Variants in GABBR2 observed in about 807,000 individuals in gnomAD.
GABBR2 encodes G-protein coupled receptor 51.
Under a neutral mutation model 105.6 loss-of-function variants are expected in GABBR2, and 23 were observed. The observed-to-expected ratio is 0.22, with a 90% confidence interval of 0.16 to 0.31. The LOEUF (loss-of-function observed/expected upper bound fraction) is 0.31, where lower values mean the gene tolerates loss of function less well. Among genes scored for constraint, GABBR2 ranks in the 10% least tolerant of loss-of-function variants. The probability of loss-of-function intolerance (pLI) is 1.00; values close to 1 mark genes in which losing one functional copy is unlikely to be tolerated. For missense variants in GABBR2, 734 were observed against 1,245.5 expected (o/e 0.59, Z 6.18); for synonymous variants, 478 against 499.7 (o/e 0.96, Z 0.58).
intron 2 of GABBR2, among the ~76,000 whole-genome samples, chr9:98,575,681 C>T (rs1828896909): frequency 6.6e-6 from 1 of 152,174 alleles, no homozygotes; most frequent in African/African-American, 2.4e-5. Context: ...CCACAGCTGT[C>T]CTGGGCACCC....
chr9:98,501,125 G>GC (rs5899345), intron 3 of GABBR2, among the ~76,000 whole-genome samples: 15,201 of 119,006 alleles, frequency 0.13, 1,522 homozygotes, highest in East Asian at 0.57. Context: ...AGGAACCACT[G>GC]CCCCCCCCCC....
intron 1 of GABBR2, among the ~76,000 whole-genome samples, chr9:98,590,338 C>A (rs1216904840): frequency 1.3e-5 from 2 of 152,206 alleles, no homozygotes; most frequent in African/African-American, 2.4e-5. Context: ...TTTCTGTATT[C>A]TCCCTGAAGC....
Position 98,541,859 on chromosome 9 carries a change from C to T in GABBR2, c.630+14G>A. ...AGCAGTAAGGCAGGCCGTGTCCACA[C>T]AAGCCGAGCGTACCTCAGAGAACCT... On this transcript the variant is annotated intron_variant, in intron 3 of 18. Transcript: ENST00000259455. The T allele has an allele frequency of 6.2e-7, 1 of 1,613,274 alleles. No individual in the cohort carries two copies. Among genetic ancestry groups the T allele is most frequent in the Non-Finnish European group, 8.5e-7 (1 of 1,179,472 alleles).
chr9:98,611,734 G>A (rs1281508848), intron 1 of GABBR2, among the ~76,000 whole-genome samples: 4 of 152,192 alleles, frequency 2.6e-5, no homozygotes, highest in Admixed American at 6.5e-5. Flanking sequence ...CCCCAGCCAC[G>A]CACACTCCCA....
chr9:98,473,990 C>T (rs1447709741), intron 5 of GABBR2, among the ~76,000 whole-genome samples: 1 of 152,164 alleles, frequency 6.6e-6, no homozygotes, highest in Non-Finnish European at 1.5e-5. Context: ...ATATAAGATG[C>T]CACTTGGCAA....
intron 3 of GABBR2, among the ~76,000 whole-genome samples, chr9:98,511,099 A>T (rs1298571546): frequency 2.0e-5 from 3 of 152,170 alleles, no homozygotes; most frequent in Non-Finnish European, 4.4e-5. Flanking sequence ...GGATTAAGAA[A>T]CTCACTCAAA....
chr9:98,417,211 C>CA (rs1043667792), intron 7 of GABBR2, among the ~76,000 whole-genome samples: 29 of 152,134 alleles, frequency 1.9e-4, no homozygotes, highest in African/African-American at 5.6e-4. Flanking sequence ...GTTGGTGGGC[C>CA]AAGGAGCAGG....
intron 4 of GABBR2, among the ~76,000 whole-genome samples, chr9:98,483,141 C>T (rs1826964477): frequency 6.6e-6 from 1 of 151,876 alleles, no homozygotes; most frequent in Non-Finnish European, 1.5e-5. Flanking sequence ...CCCTTTCCTC[C>T]TCCTGTGTTT....
intron 9 of GABBR2, among the ~76,000 whole-genome samples, chr9:98,393,743 A>G (rs1263456287): frequency 3.3e-5 from 5 of 152,248 alleles, no homozygotes; most frequent in Admixed American, 3.3e-4. Context: ...ATTAAGGAAG[A>G]TCGCACAGAA....
rs116895614 is a variant in GABBR2, at chr9:98,484,331, A to T, written c.733-3334T>A. Among the ~76,000 whole-genome samples, 29 of 152,278 alleles carry T rather than the reference A, an allele frequency of 1.9e-4. No individual in the cohort carries two copies. The East Asian group carries it at 5.6e-3, about 29-fold the overall frequency. ...AGCTAATCTCTTCCCAGAGAGGTAC[A>T]AGCTCTCCCAGGGCTCCACAGAACC... is the stretch of plus-strand genomic sequence containing the variant. On this transcript the variant is annotated intron_variant, in intron 4 of 18. Coordinates refer to ENST00000259455, the MANE Select transcript of GABBR2 (RefSeq NM_005458.8).
At chr9:98,477,884 T>G (rs1826826725) in intron 5 of GABBR2, among the ~76,000 whole-genome samples, 1 of 152,102 alleles carries the variant, frequency 6.6e-6, no homozygotes, top group Non-Finnish European at 1.5e-5. Context: ...GACAACCCCA[T>G]GAAGCAGACA....
intron 7 of GABBR2, among the ~76,000 whole-genome samples, chr9:98,449,069 T>C (rs1588167095): frequency 6.6e-6 from 1 of 152,108 alleles, no homozygotes. Context: ...ATGAAAGGAG[T>C]CTGTTCAGCC....
chr9:98,665,007 C>T (rs893824676), intron 1 of GABBR2, among the ~76,000 whole-genome samples: 2 of 151,950 alleles, frequency 1.3e-5, no homozygotes, highest in Non-Finnish European at 2.9e-5. Context: ...TGGCATGTAC[C>T]TGTAGTCCCA....
At chr9:98,642,446 C>T (rs1293023351) in intron 1 of GABBR2, among the ~76,000 whole-genome samples, 1 of 152,246 alleles carries the variant, frequency 6.6e-6, no homozygotes, top group East Asian at 1.9e-4. Flanking sequence ...TCTTGCATCT[C>T]AGCTAGGAAT....
intron 1 of GABBR2, among the ~76,000 whole-genome samples, chr9:98,683,176 C>T (rs982571196): frequency 1.3e-5 from 2 of 152,174 alleles, no homozygotes; most frequent in Non-Finnish European, 2.9e-5. Context: ...TCACTGAAAC[C>T]TCCACCTCCC....
intron 1 of GABBR2, among the ~76,000 whole-genome samples, chr9:98,590,893 G>T (rs1226013141): frequency 6.6e-6 from 1 of 152,222 alleles, no homozygotes; most frequent in Non-Finnish European, 1.5e-5. Flanking sequence ...TGGTGTAATG[G>T]AGGGTTGGAC....
intron 13 of GABBR2, among the ~76,000 whole-genome samples, chr9:98,347,024 A>G (rs972918178): frequency 6.6e-6 from 1 of 152,210 alleles, no homozygotes; most frequent in Non-Finnish European, 1.5e-5. Context: ...GGAACTGTGA[A>G]TAATGCAATA....
chr9:98,292,998 G>T (rs779062781), intron 18 of GABBR2, among the ~76,000 whole-genome samples: 1 of 152,236 alleles, frequency 6.6e-6, no homozygotes. Context: ...CTTGGAGCTA[G>T]TTGGGTTGAC....
chr9:98,478,271 G>A (rs191846008), intron 5 of GABBR2, among the ~76,000 whole-genome samples: 66 of 152,258 alleles, frequency 4.3e-4, no homozygotes, highest in Admixed American at 1.4e-3. Flanking sequence ...AATAGAGATC[G>A]GAAGGCTCTC....
Sources: allele counts gnomAD v4.1 joint callset (sites outside exome capture counted in the v4.1 genomes callset), GRCh38; gene constraint gnomAD v4.1.1; transcripts MANE v1.5; gene names NCBI Gene and HGNC (gene_info 2026-07-23, HGNC 2026-07-21).